CRYBG1: variants seen among roughly 807,000 people sequenced by gnomAD.
The protein encoded by CRYBG1 is crystallin beta-gamma domain containing 1, also known as beta/gamma crystallin domain-containing protein 1.
Under a neutral mutation model 189.2 loss-of-function variants are expected in CRYBG1, and 139 were observed. That is an observed-to-expected ratio of 0.73 (90% CI 0.64 to 0.85). The LOEUF is 0.85. Ranked by LOEUF, CRYBG1 falls within the 40% of genes least tolerant of loss-of-function variation. The pLI, the probability that CRYBG1 is intolerant of heterozygous loss-of-function variation, is 0.00. For missense variants in CRYBG1, 2,611 were observed against 2,675.8 expected, an observed-to-expected ratio of 0.98 and a Z score of 0.53; for synonymous variants, 1,023 against 1,017.1, an observed-to-expected ratio of 1.01 and a Z score of -0.11.
chr6:106,406,193 T>C (rs775503852), intron 1 of CRYBG1, among the ~76,000 whole-genome samples: 4 of 152,116 alleles, frequency 2.6e-5, no homozygotes. Context: ...AATAACCTGA[T>C]GGAGCTGAAA....
chr6:106,386,915 G>A (rs191005781), intron 1 of CRYBG1, among the ~76,000 whole-genome samples: 16 of 152,260 alleles, frequency 1.1e-4, no homozygotes, highest in African/African-American at 3.8e-4. Flanking sequence ...GTTGAGACAG[G>A]GTTGATTTGG....
chr6:106,521,373 A>T lies in CRYBG1; in HGVS notation c.4165A>T (p.Thr1389Ser). The change falls in exon 4 of 22, where the codon ACC (threonine) becomes TCC (serine). Residue 1389 changes from threonine (T) to serine (S), a missense_variant. Around this residue, in one of 3 missense-constraint regions of CRYBG1, gnomAD observed 1,622 missense variants for 1,735.0 expected, o/e 0.93. Transcript: ENST00000633556. ...CTTGCCAAACTGTGCAAACAGTGACACCGACTTCATGGGTCTTTTCAAATC... is the reference window on the plus strand; with the variant it reads ...CTTGCCAAACTGTGCAAACAGTGACTCCGACTTCATGGGTCTTTTCAAATC... ...SNLPNCANSD[T>S]DFMGLFKSSR... 1 of 1,613,802 alleles carries T rather than the reference A, an allele frequency of 6.2e-7. No individual in the cohort carries two copies. Among genetic ancestry groups the T allele is most frequent in the Non-Finnish European group, 8.5e-7 (1 of 1,179,926 alleles).
intron 4 of CRYBG1, among the ~76,000 whole-genome samples, chr6:106,521,867 T>C (rs1485233266): frequency 2.0e-5 from 3 of 151,988 alleles, no homozygotes; most frequent in Non-Finnish European, 4.4e-5. Context: ...TGCAGGCGCG[T>C]GCCACCACGC....
At chr6:106,423,338 A>G (rs915318669) in intron 1 of CRYBG1, among the ~76,000 whole-genome samples, 2 of 148,902 alleles carry the variant, frequency 1.3e-5, no homozygotes, top group African/African-American at 5.0e-5. Context: ...CCACAGTTCA[A>G]TCATTCAACT....
At chr6:106,365,680 A>ATTTTTTTTTT (rs10714082) in intron 1 of CRYBG1, among the ~76,000 whole-genome samples, 1 of 132,464 alleles carries the variant, frequency 7.5e-6, no homozygotes, top group Non-Finnish European at 1.7e-5. Context: ...AAGAACCTGT[A>ATTTTTTTTTT]TTTTTTTTTA....
intron 1 of CRYBG1, among the ~76,000 whole-genome samples, chr6:106,418,383 C>A (rs1562301294): frequency 6.6e-6 from 1 of 152,226 alleles, no homozygotes; most frequent in Non-Finnish European, 1.5e-5. Context: ...GCAGTCTGAT[C>A]TTTCAGGCTT....
chr6:106,419,883 G>C (rs1771092614), intron 1 of CRYBG1, among the ~76,000 whole-genome samples: 1 of 152,192 alleles, frequency 6.6e-6, no homozygotes, highest in South Asian at 2.1e-4. Context: ...CATACAGAAA[G>C]CTGAAGTTGT....
chr6:106,488,665 C>T (rs1772646932), intron 2 of CRYBG1, among the ~76,000 whole-genome samples: 1 of 152,098 alleles, frequency 6.6e-6, no homozygotes, highest in South Asian at 2.1e-4. Context: ...GGGGTGGGTG[C>T]CTGTGGGCCT....
At chr6:106,522,589 T>C (rs1486627259) in intron 4 of CRYBG1, among the ~76,000 whole-genome samples, 1 of 152,224 alleles carries the variant, frequency 6.6e-6, no homozygotes, top group African/African-American at 2.4e-5. Context: ...AGGTGGAATA[T>C]ATGTTTAGTG....
chr6:106,499,718 G>A (rs1409888395), intron 2 of CRYBG1, among the ~76,000 whole-genome samples: 1 of 152,058 alleles, frequency 6.6e-6, no homozygotes, highest in Non-Finnish European at 1.5e-5. Flanking sequence ...TTTAAAATAT[G>A]TAATACATTA....
intron 3 of CRYBG1, among the ~76,000 whole-genome samples, chr6:106,515,778 T>TTTATTTAG (rs1454687430): frequency 1.1e-4 from 16 of 142,548 alleles, no homozygotes; most frequent in Non-Finnish European, 2.1e-4. Flanking sequence ...TATTTATTTA[T>TTTATTTAG]TTATTTATTT....
At chr6:106,526,560 T>G (rs368006570) in intron 6 of CRYBG1, among the ~76,000 whole-genome samples, 38 of 152,292 alleles carry the variant, frequency 2.5e-4, no homozygotes, top group Admixed American at 5.2e-4. Flanking sequence ...CATTACCATA[T>G]CTATAGTCTT....
At chr6:106,454,788 G>A (rs1194229893) in intron 2 of CRYBG1, 1 of 152,166 alleles carries the variant, frequency 6.6e-6, no homozygotes, top group African/African-American at 2.4e-5. Context: ...TCTTAAAGTA[G>A]ACAATATTGT....
intron 2 of CRYBG1, among the ~76,000 whole-genome samples, chr6:106,510,115 T>C (rs1773215221): frequency 1.3e-5 from 2 of 152,208 alleles, no homozygotes; most frequent in African/African-American, 4.8e-5. Flanking sequence ...TGGGGCTCTT[T>C]CCTGCGTCGC....
At chr6:106,486,783 T>C (rs1421479399) in intron 2 of CRYBG1, among the ~76,000 whole-genome samples, 2 of 152,162 alleles carry the variant, frequency 1.3e-5, no homozygotes, top group Non-Finnish European at 2.9e-5. Context: ...TCTTTTTCCA[T>C]CCTTTTATTT....
At chr6:106,408,215 C>T (rs936709701) in intron 1 of CRYBG1, among the ~76,000 whole-genome samples, 2 of 152,170 alleles carry the variant, frequency 1.3e-5, no homozygotes, top group Non-Finnish European at 2.9e-5. Context: ...CACAGAAATA[C>T]AAACTACTGT....
intron 2 of CRYBG1, among the ~76,000 whole-genome samples, chr6:106,457,973 T>C: frequency 6.6e-6 from 1 of 152,132 alleles, no homozygotes; most frequent in East Asian, 1.9e-4. Flanking sequence ...TATGGAAATA[T>C]ACATTAAAAA....
At chr6:106,376,230 G>A (rs1004713832) in intron 1 of CRYBG1, among the ~76,000 whole-genome samples, 2 of 152,112 alleles carry the variant, frequency 1.3e-5, no homozygotes, top group Non-Finnish European at 2.9e-5. Context: ...TTTGTATCTC[G>A]TTTTGTTTTT....
At chr6:106,410,254 C>G (rs549113423) in intron 1 of CRYBG1, among the ~76,000 whole-genome samples, 2 of 152,158 alleles carry the variant, frequency 1.3e-5, no homozygotes, top group South Asian at 4.1e-4. Flanking sequence ...ATGTGGCCAA[C>G]AAACATGTGA....
Sources: gnomAD v4.1 joint callset for allele counts (sites outside exome capture counted in the v4.1 genomes callset) on GRCh38, gnomAD v4.1.1 for gene constraint, gnomAD v4.1.1 regional missense constraint, MANE v1.5 for transcripts, NCBI Gene and HGNC (gene_info 2026-07-23, HGNC 2026-07-21) for gene names.